PFDN6: variants seen among roughly 807,000 people sequenced by gnomAD.
PFDN6 encodes prefoldin subunit 6.
A neutral mutation model predicts 19.3 loss-of-function variants in PFDN6; 5 were observed. That is an observed-to-expected ratio of 0.26 (90% CI 0.14 to 0.55). PFDN6 has a LOEUF of 0.55. Among genes scored for constraint, PFDN6 ranks in the 20% least tolerant of loss-of-function variants. PFDN6 has a pLI of 0.94. For missense variants in PFDN6, 101 were observed against 149.4 expected, an observed-to-expected ratio of 0.68 and a Z score of 1.69; for synonymous variants, 51 against 63.4, an observed-to-expected ratio of 0.80 and a Z score of 0.93.
At position 33,290,878 on chromosome 6, in the gene PFDN6, G is replaced by T; in HGVS notation, c.*33G>T. On this transcript the variant is annotated 3_prime_UTR_variant, in exon 4 of 4. Coordinates refer to ENST00000374606, the MANE Select transcript of PFDN6 (RefSeq NM_001185181.3). ...GTGGGGGGAGGGGAGGGGAGGGGAG[G>T]GAATGAGGCAGCTCTAGGATCTATA... 6.4e-7 allele frequency: 1 copy of T among 1,562,184 alleles called. No homozygotes were observed. Among genetic ancestry groups the T allele is most frequent in the South Asian group, 1.1e-5 (1 of 88,144 alleles).
Position 33,290,813 on chromosome 6 carries a change from G to A in PFDN6, c.358G>A (p.Ala120Thr), listed in dbSNP as rs1767295199. 6.2e-7 allele frequency: 1 copy of A among 1,603,062 alleles called. No individual in the cohort carries two copies. The highest frequency in any genetic ancestry group is 1.1e-5 in the South Asian group (1 of 90,984). The change falls in exon 4 of 4, where the codon GCA becomes ACA. Residue 120 changes from alanine to threonine, a missense_variant. Ala to Thr is a moderately conservative substitution (Grantham distance 58). Around this residue, in one of 2 missense-constraint regions of PFDN6, gnomAD observed 47 missense variants for 40.6 expected, o/e 1.16. Transcript: ENST00000374606. ...GCAGCAGGAGTTCCAGCGGGCCCAG[G>A]CAGCAAAGGCAGGGGCTCCTGGCAA... ...QLQQEFQRAQAAKAGAPGKA is the reference protein window; with the variant it reads ...QLQQEFQRAQTAKAGAPGKA
Position 33,290,869 on chromosome 6 carries a change from G to A in PFDN6, c.*24G>A. 6.3e-7 allele frequency: 1 copy of A among 1,577,514 alleles called. No homozygotes were observed. Among genetic ancestry groups the A allele is most frequent in the Non-Finnish European group, 8.6e-7 (1 of 1,166,728 alleles). On this transcript the variant is annotated 3_prime_UTR_variant, in exon 4 of 4. Coordinates refer to ENST00000374606, the MANE Select transcript of PFDN6 (RefSeq NM_001185181.3). ...GACCCCATGGTGGGGGGAGGGGAGG[G>A]GAGGGGAGGGAATGAGGCAGCTCTA... is the stretch of plus-strand genomic sequence containing the variant.
intron 1 of PFDN6, 121 bp from the exon 2 acceptor site, chr6:33,290,053 T>G: frequency 1.5e-6 from 2 of 1,309,146 alleles, no homozygotes; most frequent in Non-Finnish European, 2.2e-6. Flanking sequence ...TACTCTTCCC[T>G]GTTCACTCAC....
intron 3 of PFDN6, 101 bp downstream of exon 3, chr6:33,290,551 C>G: frequency 6.7e-7 from 1 of 1,481,826 alleles, no homozygotes; most frequent in South Asian, 1.3e-5. Flanking sequence ...CATAGTGGCC[C>G]CTAGTCCTCC....
chr6:33,289,252 T>C (rs1767054378), upstream of PFDN6: 2 of 1,546,970 alleles, frequency 1.3e-6, no homozygotes, highest in African/African-American at 2.7e-5. Context: ...GGAAGCCCTC[T>C]GTCCTTCATC....
Position 33,289,802 on chromosome 6 carries a change from C to A in PFDN6, c.-55C>A. ...CAGAAAAGGGAGCTCAGGTACCTTC[C>A]AGAGAGTGAGACCCAGCGCCCTTGT... is the stretch of plus-strand genomic sequence containing the variant. On this transcript the variant is annotated 5_prime_UTR_variant, in exon 1 of 4. Coordinates refer to ENST00000374606, the MANE Select transcript of PFDN6 (RefSeq NM_001185181.3). The A allele has an allele frequency of 7.0e-7, 1 of 1,424,572 alleles. No individual in the cohort carries two copies. The highest frequency in any genetic ancestry group is 9.6e-7 in the Non-Finnish European group (1 of 1,042,130). The allele number at this position is 1,424,572 out of a possible 1,614,324, so 88.2% of individuals were successfully genotyped here.
upstream of PFDN6, chr6:33,289,311 G>C: frequency 6.9e-7 from 1 of 1,452,684 alleles, no homozygotes; most frequent in Non-Finnish European, 9.0e-7. Flanking sequence ...CATCTTGAGT[G>C]AGGGCACGCT....
chr6:33,289,670 C>T lies in PFDN6; in HGVS notation c.-187C>T, dbSNP rs1767113568. The T allele has an allele frequency of 5.5e-6, 3 of 548,666 alleles. No individual in the cohort carries two copies. Among genetic ancestry groups the T allele is most frequent in the Non-Finnish European group, 5.9e-6 (2 of 336,166 alleles). The allele number at this position is 548,666 out of a possible 1,614,324, so 34.0% of individuals were successfully genotyped here. On this transcript the variant is annotated 5_prime_UTR_variant, in exon 1 of 4. Coordinates refer to ENST00000374606, the MANE Select transcript of PFDN6 (RefSeq NM_001185181.3). ...AGAGGCTTGGGGTCTTGCGTTTCGC[C>T]CACCATCTCCTGGGGACAGGGTGGA...
Position 33,290,855 on chromosome 6 carries a change from G to GT in PFDN6, c.*10_*11insT. ...TCCTGGCAAGGCCTGACCCCATGGTGGGGGGAGGGGAGGGGAGGGGAGGGA... is the reference window on the plus strand; with the variant it reads ...TCCTGGCAAGGCCTGACCCCATGGTGTGGGGGAGGGGAGGGGAGGGGAGGGA... On this transcript the variant is annotated 3_prime_UTR_variant, in exon 4 of 4. Transcript: ENST00000374606. 1 of 1,592,306 alleles carries GT rather than the reference G, an allele frequency of 6.3e-7. No homozygotes were observed. Among genetic ancestry groups the GT allele is most frequent in the Non-Finnish European group, 8.5e-7 (1 of 1,175,126 alleles).
upstream of PFDN6, chr6:33,289,325 CT>C: frequency 7.1e-7 from 1 of 1,403,736 alleles, no homozygotes; most frequent in South Asian, 1.7e-5. Context: ...GCACGCTCTC[CT>C]TAGAGGGGCG....
chr6:33,289,550 G>A, upstream of PFDN6: 1 of 874,636 alleles, frequency 1.1e-6, no homozygotes, highest in Non-Finnish European at 1.5e-6. Flanking sequence ...GGGTCAGAAA[G>A]AAACTTCCGG....
chr6:33,289,198 G>A (rs779585846), upstream of PFDN6: 1 of 1,601,610 alleles, frequency 6.2e-7, no homozygotes, highest in South Asian at 1.1e-5. Context: ...CGATCCACGT[G>A]CAAAACTCCT....
chr6:33,290,855 G>C lies in PFDN6; in HGVS notation c.*10G>C, dbSNP rs766270366. On this transcript the variant is annotated 3_prime_UTR_variant, in exon 4 of 4. Transcript: ENST00000374606. ...TCCTGGCAAGGCCTGACCCCATGGTGGGGGGAGGGGAGGGGAGGGGAGGGA... is the reference window on the plus strand; with the variant it reads ...TCCTGGCAAGGCCTGACCCCATGGTCGGGGGAGGGGAGGGGAGGGGAGGGA... The C allele has an allele frequency of 1.3e-6, 2 of 1,592,306 alleles. No homozygotes were observed. The highest frequency in any genetic ancestry group is 1.1e-5 in the South Asian group (1 of 90,232).
chr6:33,290,066 G>T (rs1767183236), intron 1 of PFDN6, 108 bp from the exon 2 acceptor site: 1 of 1,344,942 alleles, frequency 7.4e-7, no homozygotes, highest in Non-Finnish European at 1.1e-6. Flanking sequence ...TCACTCACCC[G>T]CTGCCCCCAT....
In PFDN6 at chr6:33,289,797, C is replaced by T; in HGVS notation, c.-60C>T. On this transcript the variant is annotated 5_prime_UTR_variant, in exon 1 of 4. Transcript: ENST00000374606. The stretch of plus-strand genomic sequence containing the variant: ...CAGATCAGAAAAGGGAGCTCAGGTA[C>T]CTTCCAGAGAGTGAGACCCAGCGCC... The T allele has an allele frequency of 3.7e-6, 5 of 1,365,762 alleles. No individual in the cohort carries two copies. The highest frequency in any genetic ancestry group is 5.0e-6 in the Non-Finnish European group (5 of 993,814). The allele number at this position is 1,365,762 out of a possible 1,614,324, so 84.6% of individuals were successfully genotyped here.
At chr6:33,289,302 A>G (rs1767060429), upstream of PFDN6, 2 of 1,462,816 alleles carry the variant, frequency 1.4e-6, no homozygotes, top group Non-Finnish European at 9.0e-7. Context: ...TCTAGGTGCC[A>G]TCTTGAGTGA....
chr6:33,290,856 G>A lies in PFDN6; in HGVS notation c.*11G>A. 1 of 1,590,070 alleles carries A rather than the reference G, an allele frequency of 6.3e-7. No homozygotes were observed. Among genetic ancestry groups the A allele is most frequent in the Non-Finnish European group, 8.5e-7 (1 of 1,173,262 alleles). ...CCTGGCAAGGCCTGACCCCATGGTG[G>A]GGGGAGGGGAGGGGAGGGGAGGGAA... On this transcript the variant is annotated 3_prime_UTR_variant, in exon 4 of 4. Transcript: ENST00000374606.
chr6:33,290,594 C>T, intron 3 of PFDN6, 122 bp from the exon 4 acceptor site: 1 of 1,471,110 alleles, frequency 6.8e-7, no homozygotes, highest in Non-Finnish European at 9.2e-7. Flanking sequence ...CCTTTTAACC[C>T]CCCTTCTTCT....
chr6:33,289,866 C>T lies in PFDN6; in HGVS notation c.10C>T (p.Leu4=). The T allele has an allele frequency of 6.2e-7, 1 of 1,605,102 alleles. No individual in the cohort carries two copies. The highest frequency in any genetic ancestry group is 8.5e-7 in the Non-Finnish European group (1 of 1,176,148). The change falls in exon 1 of 4, where the codon CTG becomes TTG. Residue 4 remains leucine, a synonymous_variant. Transcript: ENST00000374606. ...GGCTTTCATCCCCGCCATGGCGGAG[C>T]TGATCCAGAAGAAGCTACAGGGAGA... MAE[L]IQKKLQGEVE... is the part of the protein sequence containing the mutation.
Sources: gnomAD v4.1 joint callset for allele counts on GRCh38, gnomAD v4.1.1 for gene constraint, gnomAD v4.1.1 regional missense constraint, MANE v1.5 for transcripts, NCBI Gene and HGNC (gene_info 2026-07-23, HGNC 2026-07-21) for gene names.